C8B: variants seen among roughly 807,000 people sequenced by gnomAD.
C8B encodes the protein complement C8 beta chain, also known as complement component C8 beta chain.
In C8B, 67 loss-of-function variants were observed where a neutral mutation model predicts 64.6. The ratio of observed to expected loss-of-function variants is 1.04; its 90% CI spans 0.85 to 1.27. C8B has a LOEUF of 1.27. Among genes scored for constraint, C8B ranks in the 50% most tolerant of loss-of-function variants. C8B has a pLI of 0.00. For synonymous variants in C8B, 284 were observed against 257.7 expected (o/e 1.10, Z -0.98); for missense variants, 790 against 725.2 (o/e 1.09, Z -1.03).
Position 56,956,877 on chromosome 1 carries a change from A to G in C8B, c.283T>C (p.Phe95Leu), listed in dbSNP as rs1645111902. 1 of 1,613,978 alleles carries G rather than the reference A, an allele frequency of 6.2e-7. No individual in the cohort carries two copies. Among genetic ancestry groups the G allele is most frequent in the Admixed American group, 1.7e-5 (1 of 60,008 alleles). Reference sequence around the variant, plus strand: ...GAGAAGTTGCACGGTTCCCCATGGAACTGAGAGGGCTGGAGCAAGTAGGCA... The same window carrying G: ...GAGAAGTTGCACGGTTCCCCATGGAGCTGAGAGGGCTGGAGCAAGTAGGCA... ...RYAYLLQPSQ[F>L]HGEPCNFSDK... The change falls in exon 3 of 12, where the codon TTC becomes CTC. Residue 95 changes from phenylalanine (F) to leucine (L), a missense_variant. Transcript: ENST00000371237.
chr1:56,947,296 G>T (rs1644955838), intron 6 of C8B, among the ~76,000 whole-genome samples: 1 of 152,074 alleles, frequency 6.6e-6, no homozygotes, highest in South Asian at 2.1e-4. Context: ...AGCCTCTCTG[G>T]CTTCAGCTTC....
intron 8 of C8B, 99 bp downstream of exon 8, chr1:56,943,597 T>C (rs2101398301): frequency 1.4e-6 from 2 of 1,401,418 alleles, no homozygotes; most frequent in South Asian, 1.2e-5. Flanking sequence ...GAAGTTGGGA[T>C]AGTATTTGTC....
In C8B at chr1:56,960,112, T is replaced by A; in HGVS notation, c.157A>T (p.Met53Leu). ...VNKSFAKSRQMRSVDVTLMPI... is the reference protein window; with the variant it reads ...VNKSFAKSRQLRSVDVTLMPI... ...ATCAGGGTAACATCCACACTCCGCATCTGTCTGCTCTTAGCAAAGCTCTTG... is the reference window on the plus strand; with the variant it reads ...ATCAGGGTAACATCCACACTCCGCAACTGTCTGCTCTTAGCAAAGCTCTTG... The change falls in exon 2 of 12, where the codon ATG (methionine) becomes TTG (leucine). Residue 53 changes from methionine (M) to leucine (L), a missense_variant. Physicochemically the swap from Met to Leu is conservative, Grantham distance 15. Coordinates refer to ENST00000371237, the MANE Select transcript of C8B (RefSeq NM_000066.4). 1 of 1,614,182 alleles carries A rather than the reference T, an allele frequency of 6.2e-7. No homozygotes were observed. The highest frequency in any genetic ancestry group is 1.1e-5 in the South Asian group (1 of 91,074).
intron 11 of C8B, 154 bp downstream of exon 11, chr1:56,931,656 A>C: frequency 1.5e-6 from 1 of 653,568 alleles, no homozygotes; most frequent in South Asian, 1.6e-5. Context: ...CAGTTATTAA[A>C]TGATGGAGAT....
chr1:56,933,880 C>T (rs563340970), intron 9 of C8B, among the ~76,000 whole-genome samples: 10 of 152,268 alleles, frequency 6.6e-5, no homozygotes, highest in African/African-American at 2.4e-4. Context: ...GGAGTGGATG[C>T]TTCATCTATC....
At chr1:56,937,675 T>A (rs1366104284) in intron 9 of C8B, among the ~76,000 whole-genome samples, 3 of 146,910 alleles carry the variant, frequency 2.0e-5, no homozygotes, top group East Asian at 1.9e-4. Context: ...AAACAAATAA[T>A]TTTTTTTAGT....
In C8B at chr1:56,965,999, C is replaced by A. The variant is rs756227250; in HGVS notation, c.-51G>T. On this transcript the variant is annotated 5_prime_UTR_variant, in exon 1 of 12. Transcript: ENST00000371237. The stretch of plus-strand genomic sequence containing the variant: ...CAGAGGCTGCTAGACCCATAACAAG[C>A]CTGTGCTGTGAGTGCCACTGTCAGC... The A allele has an allele frequency of 6.2e-7, 1 of 1,612,282 alleles. No individual in the cohort carries two copies. The highest frequency in any genetic ancestry group is 8.5e-7 in the Non-Finnish European group (1 of 1,179,860).
Position 56,931,818 on chromosome 1 carries a change from T to C in C8B, c.1613A>G (p.Tyr538Cys). ...TTTTCCAATTAACTTACTCTTCCGA[T>C]AGGAGACCTCACAGGCTAGGCCTTG... ...GSQGLACEVS[Y>C]RKNTPIDGKW... The change falls in exon 11 of 12, where the codon TAT (tyrosine) becomes TGT (cysteine). Residue 538 changes from tyrosine (Y) to cysteine (C), a missense_variant. Coordinates refer to ENST00000371237, the MANE Select transcript of C8B (RefSeq NM_000066.4). The C allele has an allele frequency of 6.2e-7, 1 of 1,609,254 alleles. No homozygotes were observed. Among genetic ancestry groups the C allele is most frequent in the Non-Finnish European group, 8.5e-7 (1 of 1,176,474 alleles).
At chr1:56,929,672 T>A in intron 11 of C8B, 114 bp from the exon 12 acceptor site, 1 of 958,854 alleles carries the variant, frequency 1.0e-6, no homozygotes, top group Non-Finnish European at 1.6e-6. Flanking sequence ...ATCTCTGAGC[T>A]CCCTGCTGCC....
chr1:56,929,225 A>C lies in C8B; in HGVS notation c.*179T>G, dbSNP rs979209756. Reference sequence around the variant, plus strand: ...ACAAAGATGCTTAAGCCTTTAACTCAGTATTTATTTAAATCAACTTGCATT... The same window carrying C: ...ACAAAGATGCTTAAGCCTTTAACTCCGTATTTATTTAAATCAACTTGCATT... On this transcript the variant is annotated 3_prime_UTR_variant, in exon 12 of 12. Coordinates refer to ENST00000371237, the MANE Select transcript of C8B (RefSeq NM_000066.4). 1 of 667,006 alleles carries C rather than the reference A, an allele frequency of 1.5e-6. No individual in the cohort carries two copies. Among genetic ancestry groups the C allele is most frequent in the South Asian group, 1.7e-5 (1 of 57,648 alleles). The allele number at this position is 667,006 out of a possible 1,614,324, so 41.3% of individuals were successfully genotyped here.
intron 9 of C8B, among the ~76,000 whole-genome samples, chr1:56,936,514 ATTTTT>A (rs11310458): frequency 9.8e-6 from 1 of 102,140 alleles, no homozygotes; most frequent in Non-Finnish European, 2.1e-5. Flanking sequence ...TTTGTGGTAA[ATTTTT>A]TTTTTTTTTT....
In C8B at chr1:56,949,680, T is replaced by A. The variant is rs529668782; in HGVS notation, c.739A>T (p.Lys247Ter). 3.1e-6 allele frequency: 5 copies of A among 1,614,068 alleles called. No homozygotes were observed. The African/African-American group carries it at 6.7e-5, about 22-fold the overall frequency. ...YSDFERNVTEKMASKSGFSFG... is the reference protein window; with the variant it reads ...YSDFERNVTE The stretch of plus-strand genomic sequence containing the variant: ...CTGAAACCAGACTTGCTTGCCATTT[T>A]CTCTGTGACATTGCGTTCAAAATCT... The change falls in exon 6 of 12, where the codon AAA (lysine) becomes TAA (stop). Residue 247 changes from lysine (K) to a stop codon, truncating the protein, a stop_gained. Coordinates refer to ENST00000371237, the MANE Select transcript of C8B (RefSeq NM_000066.4). LOFTEE classifies it high-confidence loss of function.
intron 8 of C8B, among the ~76,000 whole-genome samples, chr1:56,942,062 TGTCA>T (rs1428875766): frequency 5.3e-5 from 8 of 152,268 alleles, no homozygotes; most frequent in African/African-American, 1.9e-4. Context: ...ATTATTTATG[TGTCA>T]GTCAGTAATC....
At chr1:56,943,594 G>GGATA in intron 8 of C8B, 102 bp downstream of exon 8, 5 of 1,374,438 alleles carry the variant, frequency 3.6e-6, no homozygotes, top group Non-Finnish European at 5.2e-6. Context: ...CTAGAAGTTG[G>GGATA]GATAGTATTT....
At chr1:56,951,139 A>G (rs1645015062) in intron 5 of C8B, among the ~76,000 whole-genome samples, 1 of 152,156 alleles carries the variant, frequency 6.6e-6, no homozygotes, top group Non-Finnish European at 1.5e-5. Context: ...GTGCAGTGGT[A>G]CGACCTTGAC....
intron 9 of C8B, among the ~76,000 whole-genome samples, chr1:56,937,116 A>T (rs1047927230): frequency 6.6e-6 from 1 of 152,222 alleles, no homozygotes; most frequent in Admixed American, 6.5e-5. Flanking sequence ...CCTTCTGGGC[A>T]CATGGTAAGG....
At chr1:56,949,509 G>T in intron 6 of C8B, 46 bp downstream of exon 6, 5 of 1,491,868 alleles carry the variant, frequency 3.4e-6, no homozygotes, top group Non-Finnish European at 4.7e-6. Context: ...AGCAGAAAAT[G>T]GAGTAAGACA....
chr1:56,961,171 T>C (rs551023667), intron 1 of C8B, among the ~76,000 whole-genome samples: 1 of 152,318 alleles, frequency 6.6e-6, no homozygotes, highest in East Asian at 1.9e-4. Flanking sequence ...TCCTCTGTAA[T>C]ATGAAGTGTG....
intron 2 of C8B, among the ~76,000 whole-genome samples, 164 bp from the exon 3 acceptor site, chr1:56,957,074 T>C (rs1375891600): frequency 6.6e-6 from 1 of 152,176 alleles, no homozygotes; most frequent in African/African-American, 2.4e-5. Flanking sequence ...CCATTATATA[T>C]ACTTAAGGAG....
Sources: allele counts gnomAD v4.1 joint callset (sites outside exome capture counted in the v4.1 genomes callset), GRCh38; gene constraint gnomAD v4.1.1; transcripts MANE v1.5; gene names NCBI Gene and HGNC (gene_info 2026-07-23, HGNC 2026-07-21).